EPHB1: variants seen among roughly 807,000 people sequenced by gnomAD.
EPHB1 encodes ephrin type-B receptor 1.
A neutral mutation model predicts 94.4 loss-of-function variants in EPHB1; 30 were observed. The observed-to-expected ratio is 0.32, with a 90% CI of 0.24 to 0.43. EPHB1 has a LOEUF of 0.43. Among genes scored for constraint, EPHB1 ranks in the 20% least tolerant of loss-of-function variants. The pLI is 1.00. For synonymous variants in EPHB1, 522 were observed against 489.1 expected (o/e 1.07, Z -0.89); for missense variants, 1,055 against 1,308.3 (o/e 0.81, Z 2.99).
chr3:134,805,244 G>A (rs55987486), intron 1 of EPHB1, among the ~76,000 whole-genome samples: 4,807 of 152,212 alleles, frequency 0.032, 257 homozygotes, highest in African/African-American at 0.1. Context: ...AAGCCCATCC[G>A]GGGATGCTCT....
At chr3:134,941,358 G>T (rs1317218765) in intron 2 of EPHB1, among the ~76,000 whole-genome samples, 1 of 148,352 alleles carries the variant, frequency 6.7e-6, no homozygotes, top group Non-Finnish European at 1.5e-5. Context: ...ATCTTTGCCT[G>T]TGTGGGGTGG....
At chr3:134,938,829 G>C (rs1002628533) in intron 2 of EPHB1, among the ~76,000 whole-genome samples, 1 of 152,148 alleles carries the variant, frequency 6.6e-6, no homozygotes, top group Non-Finnish European at 1.5e-5. Flanking sequence ...TATTGCAGAG[G>C]AGGAAGTCGA....
Position 135,004,808 on chromosome 3 carries a change from A to C in EPHB1, c.805+52756A>C, listed in dbSNP as rs1033382517. On this transcript the variant is annotated intron_variant, in intron 3 of 15. Transcript: ENST00000398015. ...TTCTCGAGCCTTGGTTTTCAGCTCC[A>C]TCAGCTCCTTTAAGCACTTCTCTGT... Among the ~76,000 whole-genome samples the C allele has an allele frequency of 7.7e-4, 117 of 151,868 alleles. No individual in the cohort carries two copies. In the East Asian group the frequency reaches 0.022, roughly 29 times the overall value.
chr3:135,027,186 C>T (rs2107757773), intron 3 of EPHB1, among the ~76,000 whole-genome samples: 1 of 151,774 alleles, frequency 6.6e-6, no homozygotes, highest in South Asian at 2.1e-4. Flanking sequence ...TTCCTCTTTT[C>T]CTAATTGAAT....
At chr3:135,167,705 G>A (rs1941689486) in intron 9 of EPHB1, among the ~76,000 whole-genome samples, 1 of 152,172 alleles carries the variant, frequency 6.6e-6, no homozygotes, top group East Asian at 1.9e-4. Flanking sequence ...CCTGCCTCCA[G>A]AAAGCAGAAT....
Position 135,179,923 on chromosome 3 carries a change from G to A in EPHB1, c.1823G>A (p.Arg608Gln), listed in dbSNP as rs777467287. 2.2e-5 allele frequency: 36 copies of A among 1,613,838 alleles called. No individual in the cohort carries two copies. The highest frequency in any genetic ancestry group is 4.5e-5 in the East Asian group (2 of 44,896). ...TACGAGGATCCCAACGAAGCTGTCC[G>A]GGAGTTTGCCAAGGAGATTGATGTA... ...FTYEDPNEAV[R>Q]EFAKEIDVSF... The change falls in exon 10 of 16, where the codon CGG (arginine) becomes CAG (glutamine). Residue 608 changes from arginine (R) to glutamine (Q), a missense_variant. Physicochemically the swap from Arg to Gln is conservative, Grantham distance 43. Coordinates refer to ENST00000398015, the MANE Select transcript of EPHB1 (RefSeq NM_004441.5).
chr3:134,917,603 G>A (rs2038600868), intron 1 of EPHB1, among the ~76,000 whole-genome samples: 1 of 152,250 alleles, frequency 6.6e-6, no homozygotes. Flanking sequence ...GGAGGATGTA[G>A]TGGGGAGGAC....
intron 11 of EPHB1, among the ~76,000 whole-genome samples, chr3:135,195,269 C>T (rs1297207369): frequency 6.6e-6 from 1 of 152,018 alleles, no homozygotes; most frequent in Non-Finnish European, 1.5e-5. Flanking sequence ...GAGATTCATT[C>T]TCATGAGCCT....
At chr3:135,179,239 C>T (rs544502741) in intron 9 of EPHB1, among the ~76,000 whole-genome samples, 4 of 152,256 alleles carry the variant, frequency 2.6e-5, no homozygotes, top group African/African-American at 4.8e-5. Context: ...TTCATACCAC[C>T]TCATTTTTTC....
intron 10 of EPHB1, among the ~76,000 whole-genome samples, chr3:135,187,303 G>A (rs1005462692): frequency 4.6e-5 from 7 of 152,078 alleles, no homozygotes; most frequent in East Asian, 1.9e-4. Context: ...TCCTTTAAGC[G>A]TCTGTCTTAA....
chr3:134,954,319 G>C (rs13076995), intron 3 of EPHB1, among the ~76,000 whole-genome samples: 1 of 152,158 alleles, frequency 6.6e-6, no homozygotes, highest in African/African-American at 2.4e-5. Flanking sequence ...TGCACTCTTT[G>C]GTGGGGGGTG....
chr3:134,946,460 G>T (rs535765281), intron 2 of EPHB1, among the ~76,000 whole-genome samples: 2 of 152,234 alleles, frequency 1.3e-5, no homozygotes, highest in South Asian at 2.1e-4. Flanking sequence ...ACCTGCCTTT[G>T]TTTGGCCCAG....
chr3:134,872,954 CAG>C (rs2037533374), intron 1 of EPHB1, among the ~76,000 whole-genome samples: 1 of 152,162 alleles, frequency 6.6e-6, no homozygotes, highest in African/African-American at 2.4e-5. Flanking sequence ...ATACTGTAGA[CAG>C]GGACGGGGAT....
intron 5 of EPHB1, among the ~76,000 whole-genome samples, chr3:135,141,215 G>A (rs563510977): frequency 6.6e-6 from 1 of 151,648 alleles, no homozygotes; most frequent in East Asian, 1.9e-4. Flanking sequence ...ACAGCTTGGG[G>A]GAACAACAGC....
intron 3 of EPHB1, among the ~76,000 whole-genome samples, chr3:135,059,650 G>A (rs6778165): frequency 0.44 from 67,117 of 151,964 alleles, 15,272 homozygotes; most frequent in Middle Eastern, 0.51. Flanking sequence ...AGGTGTGGTG[G>A]ATATTTGCTT....
intron 3 of EPHB1, among the ~76,000 whole-genome samples, chr3:135,089,568 C>T (rs556737921): frequency 6.6e-6 from 1 of 152,310 alleles, no homozygotes; most frequent in Admixed American, 6.5e-5. Flanking sequence ...GAGGGCCTGG[C>T]CATGCTTCTC....
At chr3:135,119,033 T>C (rs1939835431) in intron 4 of EPHB1, among the ~76,000 whole-genome samples, 1 of 152,234 alleles carries the variant, frequency 6.6e-6, no homozygotes, top group African/African-American at 2.4e-5. Flanking sequence ...CTCCACACAC[T>C]GGCCTGATGA....
At chr3:134,910,689 A>G (rs1470895484) in intron 1 of EPHB1, among the ~76,000 whole-genome samples, 1 of 152,154 alleles carries the variant, frequency 6.6e-6, no homozygotes, top group Admixed American at 6.5e-5. Flanking sequence ...GCATCTGTGG[A>G]GTCAGAGGGG....
rs926731542 is a variant in EPHB1 at position 135,259,600 on chromosome 3, C to T, written c.*480C>T. On this transcript the variant is annotated 3_prime_UTR_variant, in exon 16 of 16. Transcript: ENST00000398015. ...ACTCGTTTCCCTTTGCTCATGACTCCTGTAGGGAAGTTTCTTCAAACAAAA... is the reference window on the plus strand; with the variant it reads ...ACTCGTTTCCCTTTGCTCATGACTCTTGTAGGGAAGTTTCTTCAAACAAAA... The T allele has an allele frequency of 5.8e-4, 113 of 195,692 alleles. 1 individual carries two copies. Among genetic ancestry groups the T allele is most frequent in the African/African-American group, 2.4e-3 (106 of 43,280 alleles). 12.1% of individuals were successfully genotyped at this position (195,692 alleles called of 1,614,324 possible).
Sources: gnomAD v4.1 joint callset for allele counts (sites outside exome capture counted in the v4.1 genomes callset) on GRCh38, gnomAD v4.1.1 for gene constraint, MANE v1.5 for transcripts, NCBI Gene and HGNC (gene_info 2026-07-23, HGNC 2026-07-21) for gene names.